The following TTC39B variants were observed in gnomAD, a reference collection of about 807,000 sequenced individuals.
The protein encoded by TTC39B is tetratricopeptide repeat protein 39B.
Under a neutral mutation model 96.6 loss-of-function variants are expected in TTC39B, and 92 were observed. That is an observed-to-expected ratio of 0.95 (90% CI 0.80 to 1.13). The LOEUF (loss-of-function observed/expected upper bound fraction) is 1.13. Ranked by LOEUF, TTC39B falls within the 50% of genes most tolerant of loss-of-function variation. The pLI is 0.00. For synonymous variants in TTC39B, 367 were observed against 299.4 expected (o/e 1.23, Z -2.33); for missense variants, 955 against 809.3 (o/e 1.18, Z -2.18).
At chr9:15,294,522 C>A (rs1269323702) in intron 1 of TTC39B, among the ~76,000 whole-genome samples, 1 of 152,212 alleles carries the variant, frequency 6.6e-6, no homozygotes, top group African/African-American at 2.4e-5. Flanking sequence ...ATTATCACCT[C>A]CCTTGCTGAC....
intron 1 of TTC39B, among the ~76,000 whole-genome samples, chr9:15,278,764 A>C (rs1191126452): frequency 6.6e-6 from 1 of 152,258 alleles, no homozygotes; most frequent in African/African-American, 2.4e-5. Context: ...CACTATGTTG[A>C]ATACTCACGT....
chr9:15,180,388 T>G (rs551820306), intron 17 of TTC39B, among the ~76,000 whole-genome samples: 7 of 152,360 alleles, frequency 4.6e-5, no homozygotes, highest in African/African-American at 1.7e-4. Context: ...AGATTTCAAA[T>G]GAAACACTAT....
exon 12 of TTC39B, chr9:15,189,785 T>C (rs968363706): frequency 6.2e-7 from 1 of 1,609,184 alleles, no homozygotes; most frequent in Admixed American, 1.7e-5. Flanking sequence ...CATTCACTTC[T>C]CCTGTACCTA....
intron 15 of TTC39B, chr9:15,186,549 G>C (rs1161860250): frequency 6.5e-6 from 1 of 154,250 alleles, no homozygotes; most frequent in African/African-American, 2.4e-5. Context: ...AAGAGAAGGA[G>C]ATTTAAAAGA....
intron 13 of TTC39B, among the ~76,000 whole-genome samples, chr9:15,188,784 G>T (rs1258885496): frequency 1.3e-5 from 2 of 152,150 alleles, no homozygotes; most frequent in Non-Finnish European, 2.9e-5. Flanking sequence ...AAGTGAGGAG[G>T]ACAATTTGGC....
chr9:15,204,794 G>T (rs1464743906), intron 6 of TTC39B, among the ~76,000 whole-genome samples: 1 of 152,132 alleles, frequency 6.6e-6, no homozygotes, highest in African/African-American at 2.4e-5. Flanking sequence ...ATTTGATCAT[G>T]TAGATGTCTA....
intron 15 of TTC39B, among the ~76,000 whole-genome samples, chr9:15,185,916 A>T (rs1818500689): frequency 6.6e-6 from 1 of 152,224 alleles, no homozygotes; most frequent in East Asian, 1.9e-4. Context: ...CGTATAATTT[A>T]AGAAAATGTT....
chr9:15,175,248 T>C (rs1028592952), intron 18 of TTC39B, 113 bp from the exon 19 acceptor site: 4 of 708,798 alleles, frequency 5.6e-6, no homozygotes, highest in African/African-American at 3.6e-5. Context: ...AAGTCTATTA[T>C]CATAGAAAGG....
At chr9:15,287,968 AAC>A (rs1491451448) in intron 1 of TTC39B, among the ~76,000 whole-genome samples, 172 of 118,944 alleles carry the variant, frequency 1.4e-3, no homozygotes, top group African/African-American at 5.8e-3. Context: ...AAAAAAAAAA[AAC>A]ATAAAAAAAT....
intron 1 of TTC39B, among the ~76,000 whole-genome samples, chr9:15,275,877 G>A (rs1823525022): frequency 7.7e-6 from 1 of 129,994 alleles, no homozygotes; most frequent in South Asian, 2.5e-4. Context: ...TAATAAAGCA[G>A]CCTAAAAGTG....
At chr9:15,281,763 GC>G (rs1563786172) in intron 1 of TTC39B, among the ~76,000 whole-genome samples, 1 of 149,166 alleles carries the variant, frequency 6.7e-6, no homozygotes, top group Non-Finnish European at 1.5e-5. Context: ...TGCAATCTCC[GC>G]CCCCAGGTTC....
chr9:15,169,453 A>G (rs1215728573), exon 20 of TTC39B: 1 of 152,214 alleles, frequency 6.6e-6, no homozygotes, highest in South Asian at 2.1e-4. Flanking sequence ...AGGAAAAAAA[A>G]AAGGCAATTA....
At chr9:15,284,642 G>A (rs10961955) in intron 1 of TTC39B, among the ~76,000 whole-genome samples, 15,676 of 152,124 alleles carry the variant, frequency 0.1, 1,490 homozygotes, top group African/African-American at 0.25. Context: ...ATAAAAGCTG[G>A]ATTTGCATTT....
Position 15,185,245 on chromosome 9 carries a change from T to C in TTC39B, c.1614+35A>G, listed in dbSNP as rs766025547. Reference sequence around the variant, plus strand: ...CCTGCTGCTGTGAGTAGGTAATTTATTTCTAGTACATGAAAAGAAAATAAA... The same window carrying C: ...CCTGCTGCTGTGAGTAGGTAATTTACTTCTAGTACATGAAAAGAAAATAAA... On this transcript the variant is annotated intron_variant, in intron 16 of 19. Coordinates refer to ENST00000512701, the Ensembl canonical transcript of TTC39B. 3.2e-6 allele frequency: 5 copies of C among 1,581,594 alleles called. No homozygotes were observed. In the South Asian group the frequency reaches 4.7e-5, roughly 15 times the overall value.
At chr9:15,237,339 G>A (rs765803267) in intron 2 of TTC39B, among the ~76,000 whole-genome samples, 10 of 151,910 alleles carry the variant, frequency 6.6e-5, no homozygotes, top group African/African-American at 1.5e-4. Flanking sequence ...TAAATGAACC[G>A]AAAAGTCGGT....
chr9:15,211,758 T>C (rs1286687959), intron 4 of TTC39B, among the ~76,000 whole-genome samples: 2 of 152,248 alleles, frequency 1.3e-5, no homozygotes, highest in African/African-American at 2.4e-5. Flanking sequence ...GCTGGAAATG[T>C]ATTTTTTGAC....
intron 1 of TTC39B, among the ~76,000 whole-genome samples, chr9:15,292,085 A>G (rs555433283): frequency 6.6e-6 from 1 of 152,340 alleles, no homozygotes; most frequent in East Asian, 1.9e-4. Context: ...TTGTAAGTAC[A>G]TTCATAAGGC....
intron 1 of TTC39B, among the ~76,000 whole-genome samples, chr9:15,299,692 A>G (rs1824515085): frequency 6.6e-6 from 1 of 152,210 alleles, no homozygotes. Flanking sequence ...CTGAGATGCT[A>G]CTGGGGCATC....
intron 3 of TTC39B, among the ~76,000 whole-genome samples, 166 bp from the exon 4 acceptor site, chr9:15,214,415 A>G (rs1268011261): frequency 6.6e-6 from 1 of 151,910 alleles, no homozygotes; most frequent in Non-Finnish European, 1.5e-5. Context: ...GGTTATACAT[A>G]GGAAAAAAAT....
Sources: gnomAD v4.1 joint callset for allele counts (sites outside exome capture counted in the v4.1 genomes callset) on GRCh38, gnomAD v4.1.1 for gene constraint, MANE v1.5 for transcripts, NCBI Gene and HGNC (gene_info 2026-07-23, HGNC 2026-07-21) for gene names.